Variants in RAP1GAP2 observed in about 807,000 individuals in gnomAD.
RAP1GAP2 encodes rap1 GTPase-activating protein 2.
A neutral mutation model predicts 95.0 loss-of-function variants in RAP1GAP2; 27 were observed. The ratio of observed to expected loss-of-function variants is 0.28; its 90% CI spans 0.21 to 0.39. The LOEUF (loss-of-function observed/expected upper bound fraction) is 0.39, where lower values mean the gene tolerates loss of function less well. Among genes scored for constraint, RAP1GAP2 ranks in the 10% least tolerant of loss-of-function variants. The pLI is 1.00. For missense variants in RAP1GAP2, 771 were observed against 970.0 expected (o/e 0.79, Z 2.72); for synonymous variants, 373 against 380.9 (o/e 0.98, Z 0.24).
rs866246684 is a variant in RAP1GAP2 at position 3,032,498 on chromosome 17, T to G, written c.*30+49T>G. 24 of 1,560,818 alleles carry G rather than the reference T, an allele frequency of 1.5e-5. 1 individual carries two copies. In the Middle Eastern group the frequency reaches 4.1e-3, roughly 264 times the overall value. On this transcript the variant is annotated intron_variant, in intron 24 of 24. Coordinates refer to ENST00000254695, the MANE Select transcript of RAP1GAP2 (RefSeq NM_015085.5). The stretch of plus-strand genomic sequence containing the variant: ...GTGGCCGTGAGGGGGGACGTGTGTT[T>G]CTTTTAGATCAGGGAACTAGAGGCC...
chr17:2,882,929 A>C (rs1352877917), intron 2 of RAP1GAP2, among the ~76,000 whole-genome samples: 1 of 152,186 alleles, frequency 6.6e-6, no homozygotes, highest in Non-Finnish European at 1.5e-5. Context: ...TCGCGGAATG[A>C]ATGTCAGATC....
intron 2 of RAP1GAP2, among the ~76,000 whole-genome samples, chr17:2,873,650 C>T (rs1263816111): frequency 6.6e-6 from 1 of 152,106 alleles, no homozygotes; most frequent in East Asian, 1.9e-4. Flanking sequence ...TCATTCAAAA[C>T]TCAACAGACC....
At chr17:2,834,095 C>T (rs528441624) in intron 2 of RAP1GAP2, among the ~76,000 whole-genome samples, 5 of 152,280 alleles carry the variant, frequency 3.3e-5, no homozygotes, top group Non-Finnish European at 5.9e-5. Context: ...AGAATAACCT[C>T]GACCTTCTCC....
intron 17 of RAP1GAP2, among the ~76,000 whole-genome samples, chr17:3,009,484 C>T (rs368702823): frequency 1.2e-4 from 19 of 152,192 alleles, no homozygotes; most frequent in East Asian, 7.7e-4. Flanking sequence ...TTTGTGGGAG[C>T]AGGTGGAGTT....
At chr17:2,954,252 C>G (rs1392747471) in intron 3 of RAP1GAP2, among the ~76,000 whole-genome samples, 2 of 151,754 alleles carry the variant, frequency 1.3e-5, no homozygotes, top group Non-Finnish European at 2.9e-5. Context: ...TTACAGGCGC[C>G]CGCCACCATG....
chr17:2,980,230 C>A (rs899173110), intron 8 of RAP1GAP2, 57 bp from the exon 9 acceptor site: 110 of 1,562,874 alleles, frequency 7.0e-5, no homozygotes, highest in Non-Finnish European at 9.0e-5. Flanking sequence ...GGCACGAGTC[C>A]CCGCGCCCTC....
rs2072204647 is a variant in RAP1GAP2, at chr17:2,857,751, G to A, written c.81-47533G>A. On this transcript the variant is annotated intron_variant, in intron 2 of 24. Coordinates refer to ENST00000254695, the MANE Select transcript of RAP1GAP2 (RefSeq NM_015085.5). This position sits in a 1 kb window ranked among gnomAD's most constrained non-coding sequence, Gnocchi z 4.0. Reference sequence around the variant, plus strand: ...TAGTGGGGAGCTTGGCTCCCTGAGGGGGAAAACAGGCAGCTTTGCTGGGAA... The same window carrying A: ...TAGTGGGGAGCTTGGCTCCCTGAGGAGGAAAACAGGCAGCTTTGCTGGGAA... Among the ~76,000 whole-genome samples the A allele has an allele frequency of 6.6e-6, 1 of 152,162 alleles. No individual in the cohort carries two copies. The highest frequency in any genetic ancestry group is 1.5e-5 in the Non-Finnish European group (1 of 68,024).
chr17:3,026,851 C>T (rs903621997), intron 21 of RAP1GAP2, 93 bp from the exon 22 acceptor site: 171 of 1,445,858 alleles, frequency 1.2e-4, no homozygotes, highest in Admixed American at 1.9e-4. Context: ...CAGGAGGCAG[C>T]GGCTGTCCTG....
At chr17:2,824,740 CAAAAAAAAAA>C (rs940171590) in intron 2 of RAP1GAP2, among the ~76,000 whole-genome samples, 1 of 56,664 alleles carries the variant, frequency 1.8e-5, no homozygotes, top group Non-Finnish European at 3.9e-5. Context: ...AACTCTGTCT[CAAAAAAAAAA>C]AAAAAAAAAA....
intron 3 of RAP1GAP2, among the ~76,000 whole-genome samples, chr17:2,907,225 A>G (rs935201852): frequency 2.0e-5 from 3 of 152,212 alleles, no homozygotes; most frequent in Non-Finnish European, 4.4e-5. Flanking sequence ...CCTGGGTCTC[A>G]TGACCGCCCA....
intron 2 of RAP1GAP2, among the ~76,000 whole-genome samples, chr17:2,885,010 CATTTCTTTT>C (rs1426783505): frequency 5.9e-4 from 87 of 148,046 alleles, no homozygotes; most frequent in African/African-American, 2.1e-3. Flanking sequence ...CAAATAGGCA[CATTTCTTTT>C]ATTTCTTTCT....
intron 1 of RAP1GAP2, among the ~76,000 whole-genome samples, chr17:2,762,397 CT>C (rs71150894): frequency 0.14 from 17,908 of 123,806 alleles, 561 homozygotes; most frequent in Non-Finnish European, 0.16. Context: ...TTTTTTCTTT[CT>C]TTTTTTTTTT....
chr17:2,920,818 C>G (rs2042738605), intron 3 of RAP1GAP2, among the ~76,000 whole-genome samples: 1 of 152,242 alleles, frequency 6.6e-6, no homozygotes, highest in Non-Finnish European at 1.5e-5. Context: ...AGACTCTACT[C>G]CACTGAGACC....
intron 2 of RAP1GAP2, among the ~76,000 whole-genome samples, chr17:2,836,882 TTGG>T (rs1298189607): frequency 6.6e-6 from 1 of 152,138 alleles, no homozygotes; most frequent in African/African-American, 2.4e-5. Context: ...CTGTAAAAAT[TTGG>T]TGTTCACTCT....
intron 18 of RAP1GAP2, among the ~76,000 whole-genome samples, 192 bp from the exon 19 acceptor site, chr17:3,020,285 G>C (rs892274795): frequency 1.3e-5 from 2 of 152,246 alleles, no homozygotes; most frequent in African/African-American, 2.4e-5. Context: ...TTAACACAGG[G>C]AAGGAGGCTG....
intron 2 of RAP1GAP2, among the ~76,000 whole-genome samples, chr17:2,887,603 G>T (rs1283500470): frequency 1.3e-5 from 2 of 151,860 alleles, no homozygotes; most frequent in Admixed American, 6.6e-5. Context: ...TCGAACTCCT[G>T]ACCTAAGGTG....
intron 3 of RAP1GAP2, among the ~76,000 whole-genome samples, chr17:2,935,274 G>A (rs2043269307): frequency 6.6e-6 from 1 of 152,158 alleles, no homozygotes; most frequent in African/African-American, 2.4e-5. Context: ...CTGGGAGGCC[G>A]CAGCAGGTGG....
intron 2 of RAP1GAP2, among the ~76,000 whole-genome samples, chr17:2,875,420 T>C (rs1339242086): frequency 1.3e-5 from 2 of 152,098 alleles, no homozygotes; most frequent in East Asian, 3.9e-4. Context: ...TATGAAGTTG[T>C]TGGATGGGCA....
rs1456743195 is a variant in RAP1GAP2, at chr17:2,880,468, TA to T, written c.81-24815del. Among the ~76,000 whole-genome samples the T allele has an allele frequency of 5.6e-4, 84 of 151,316 alleles. 1 individual carries two copies. Among genetic ancestry groups the T allele is most frequent in the African/African-American group, 1.5e-3 (61 of 41,280 alleles). ...CACCTTCTTCTTTTTTTTTTTTTTT[TA>T]TTGTGGTAAAATACACATCACACAC... On this transcript the variant is annotated intron_variant, in intron 2 of 24. Transcript: ENST00000254695.
Sources: gnomAD v4.1 joint callset for allele counts (sites outside exome capture counted in the v4.1 genomes callset) on GRCh38, gnomAD v4.1.1 for gene constraint, Gnocchi (gnomAD v3.1) non-coding constraint, MANE v1.5 for transcripts, NCBI Gene and HGNC (gene_info 2026-07-23, HGNC 2026-07-21) for gene names.